Variants in LRBA observed in about 807,000 individuals in gnomAD.
The protein encoded by LRBA is lipopolysaccharide-responsive and beige-like anchor protein.
LRBA carries 176 observed loss-of-function variants against 330.0 expected under a neutral mutation model. The ratio of observed to expected loss-of-function variants is 0.53; its 90% CI spans 0.47 to 0.60. LRBA has a LOEUF of 0.60. Among genes scored for constraint, LRBA ranks in the 20% least tolerant of loss-of-function variants. LRBA has a pLI of 0.00. For missense variants in LRBA, 3,259 were observed against 3,444.8 expected (o/e 0.95, Z 1.35); for synonymous variants, 1,230 against 1,193.0 (o/e 1.03, Z -0.64).
intron 30 of LRBA, among the ~76,000 whole-genome samples, chr4:150,825,971 AAAAC>A (rs1204462641): frequency 2.3e-4 from 35 of 152,190 alleles, no homozygotes; most frequent in South Asian, 6.2e-4. Flanking sequence ...AGGAGGCAAA[AAAAC>A]AAACAAACAA....
At chr4:150,601,938 G>A (rs547583360) in intron 37 of LRBA, among the ~76,000 whole-genome samples, 13 of 151,710 alleles carry the variant, frequency 8.6e-5, no homozygotes, top group African/African-American at 2.9e-4. Flanking sequence ...TGATCCGCCC[G>A]CCTCGGCCTC....
chr4:150,341,064 G>A (rs1417579644), intron 48 of LRBA, among the ~76,000 whole-genome samples: 5 of 152,132 alleles, frequency 3.3e-5, no homozygotes, highest in African/African-American at 7.2e-5. Context: ...AAGGTGACCT[G>A]GTCTACTAGC....
chr4:150,861,253 C>A (rs1443443976), intron 22 of LRBA, among the ~76,000 whole-genome samples: 1 of 146,666 alleles, frequency 6.8e-6, no homozygotes, highest in African/African-American at 2.7e-5. Context: ...CAGGTGCATG[C>A]CACCATCCCA....
Position 150,552,236 on chromosome 4 carries a change from C to T in LRBA, c.6330+35812G>A, listed in dbSNP as rs557524870. ...CCTTAGAAGACAGAATACAAAAATA[C>T]AGTTTATGCCAAGATCCAAAAAATA... On this transcript the variant is annotated intron_variant, in intron 40 of 56. Transcript: ENST00000651943. 7.2e-5 allele frequency among the ~76,000 whole-genome samples: 11 copies of T among 152,202 alleles called. No homozygotes were observed. The East Asian group carries it at 7.7e-4, about 11-fold the overall frequency.
intron 47 of LRBA, among the ~76,000 whole-genome samples, chr4:150,400,369 G>GA (rs918538172): frequency 3.3e-5 from 5 of 152,122 alleles, no homozygotes. Context: ...ATGTACAAGT[G>GA]ATCTGCTGCT....
At chr4:150,960,318 A>G (rs1473016855) in intron 2 of LRBA, among the ~76,000 whole-genome samples, 1 of 148,586 alleles carries the variant, frequency 6.7e-6, no homozygotes, top group African/African-American at 2.6e-5. Flanking sequence ...AATCTTCTGG[A>G]ATCAACTTCC....
At position 150,707,150 on chromosome 4, in the gene LRBA, T is replaced by G. The variant is rs774023145; in HGVS notation, c.5755-23433A>C. On this transcript the variant is annotated intron_variant, in intron 36 of 56. Transcript: ENST00000651943. ...AAATTCATCTAACAGTGGTTTTCTG[T>G]AAGGATAAGGGGTGGAAGGCATCCT... Among the ~76,000 whole-genome samples the G allele has an allele frequency of 7.9e-5, 12 of 151,828 alleles. No individual in the cohort carries two copies. In the East Asian group the frequency reaches 2.3e-3, roughly 29 times the overall value.
intron 40 of LRBA, among the ~76,000 whole-genome samples, chr4:150,534,340 TATA>T (rs36206816): frequency 0.093 from 13,365 of 143,616 alleles, 928 homozygotes; most frequent in African/African-American, 0.2. Flanking sequence ...AAACTTGAAG[TATA>T]ATAATAATAA....
chr4:150,849,117 C>A (rs970321927), intron 25 of LRBA, 119 bp from the exon 26 acceptor site: 8 of 670,796 alleles, frequency 1.2e-5, no homozygotes, highest in Non-Finnish European at 2.0e-5. Flanking sequence ...CCTAGTAACA[C>A]AGAGTGATTT....
intron 2 of LRBA, among the ~76,000 whole-genome samples, chr4:150,945,475 C>T (rs72719701): frequency 0.018 from 2,785 of 152,242 alleles, 40 homozygotes; most frequent in Non-Finnish European, 0.028. Context: ...ACAGTATGAC[C>T]ACATTTCCTT....
chr4:150,529,482 C>T (rs1444406651), intron 40 of LRBA, among the ~76,000 whole-genome samples: 3 of 152,084 alleles, frequency 2.0e-5, no homozygotes, highest in Non-Finnish European at 4.4e-5. Flanking sequence ...CTTTGGGAGG[C>T]CAAGGCGGGT....
intron 13 of LRBA, among the ~76,000 whole-genome samples, chr4:150,904,291 T>C (rs1407529081): frequency 1.3e-5 from 2 of 152,198 alleles, no homozygotes; most frequent in Non-Finnish European, 2.9e-5. Context: ...ATGATAAACA[T>C]TTGACCTTCA....
intron 40 of LRBA, among the ~76,000 whole-genome samples, chr4:150,544,800 A>G (rs1215702980): frequency 6.6e-6 from 1 of 152,224 alleles, no homozygotes; most frequent in Non-Finnish European, 1.5e-5. Context: ...CAGGGCTCAT[A>G]TGCATTGCAA....
chr4:150,813,052 G>A (rs547634164), intron 31 of LRBA, among the ~76,000 whole-genome samples: 20 of 151,896 alleles, frequency 1.3e-4, no homozygotes, highest in African/African-American at 4.6e-4. Flanking sequence ...GGCTACTTGG[G>A]AAGCTGAAGC....
chr4:150,571,266 A>G (rs1313382617), intron 40 of LRBA, among the ~76,000 whole-genome samples: 1 of 152,050 alleles, frequency 6.6e-6, no homozygotes, highest in Non-Finnish European at 1.5e-5. Context: ...TAATATAGCT[A>G]ATGATATAGA....
At chr4:151,007,598 C>T (rs1744239122) in intron 2 of LRBA, among the ~76,000 whole-genome samples, 1 of 151,796 alleles carries the variant, frequency 6.6e-6, no homozygotes, top group Admixed American at 6.6e-5. Context: ...TGTCTCACAT[C>T]TGTAATCCCT....
chr4:150,349,402 G>T (rs773756887), intron 48 of LRBA, among the ~76,000 whole-genome samples: 1 of 152,124 alleles, frequency 6.6e-6, no homozygotes, highest in Admixed American at 6.5e-5. Flanking sequence ...TGCATAATTA[G>T]ATTAGAAATA....
In LRBA at chr4:150,334,924, G is replaced by A. The variant is rs370769649; in HGVS notation, c.7363-9026C>T. Among the ~76,000 whole-genome samples the A allele has an allele frequency of 2.7e-5, 4 of 150,376 alleles. No individual in the cohort carries two copies. In the East Asian group the frequency reaches 5.9e-4, roughly 22 times the overall value. On this transcript the variant is annotated intron_variant, in intron 48 of 56. Transcript: ENST00000651943. ...GTCTCACTGCAACCTCCGTCTCCGA[G>A]GTTCAAGTGATTCTCCTGCCTCAGC...
intron 40 of LRBA, chr4:150,584,182 C>G: frequency 7.0e-7 from 1 of 1,419,148 alleles, no homozygotes; most frequent in Non-Finnish European, 9.2e-7. Flanking sequence ...CTATAAACAG[C>G]AGAAACTCTG....
Sources: allele counts gnomAD v4.1 joint callset (sites outside exome capture counted in the v4.1 genomes callset), GRCh38; gene constraint gnomAD v4.1.1; transcripts MANE v1.5; gene names NCBI Gene and HGNC (gene_info 2026-07-23, HGNC 2026-07-21).